The following AHRR variants were observed in gnomAD, a reference collection of about 807,000 sequenced individuals.
AHRR encodes aryl hydrocarbon receptor repressor.
In AHRR, 28 loss-of-function variants were observed where a neutral mutation model predicts 44.0. The observed-to-expected ratio is 0.64, with a 90% CI of 0.47 to 0.87. AHRR has a LOEUF of 0.87. Among genes scored for constraint, AHRR ranks in the 40% least tolerant of loss-of-function variants. AHRR has a pLI of 0.00. For missense variants in AHRR, 990 were observed against 953.9 expected, an observed-to-expected ratio of 1.04 and a Z score of -0.50; for synonymous variants, 434 against 407.0, an observed-to-expected ratio of 1.07 and a Z score of -0.80.
chr5:394,123 G>A (rs12521808), intron 4 of AHRR, among the ~76,000 whole-genome samples: 92,617 of 152,108 alleles, frequency 0.61, 30,068 homozygotes, highest in South Asian at 0.78. Flanking sequence ...CAGCCACCCT[G>A]CTGGCTCTGG....
chr5:383,634 C>T lies in AHRR; in HGVS notation c.351+6918C>T, dbSNP rs1734067664. 6.6e-6 allele frequency among the ~76,000 whole-genome samples: 1 copy of T among 151,726 alleles called. No individual in the cohort carries two copies. Among genetic ancestry groups the T allele is most frequent in the Non-Finnish European group, 1.5e-5 (1 of 67,988 alleles). On this transcript the variant is annotated intron_variant, in intron 4 of 10. Coordinates refer to ENST00000684583, the MANE Select transcript of AHRR (RefSeq NM_001377236.1). This position sits in a 1 kb window ranked among gnomAD's most constrained non-coding sequence, Gnocchi z 4.0. ...CTGAAGTGCAGCAATGTGATCATAG[C>T]TCACTGTAACCTTGAACTCCTGAGC... is the stretch of plus-strand genomic sequence containing the variant.
chr5:386,610 G>A (rs938410809), intron 4 of AHRR, among the ~76,000 whole-genome samples: 1 of 152,270 alleles, frequency 6.6e-6, no homozygotes, highest in Non-Finnish European at 1.5e-5. Flanking sequence ...TAGGCCTGCA[G>A]ATTCTGGAGC....
At chr5:432,640 CA>C in intron 9 of AHRR, 116 bp downstream of exon 9, 1 of 1,509,272 alleles carries the variant, frequency 6.6e-7, no homozygotes, top group Non-Finnish European at 9.2e-7. Flanking sequence ...AGCCATTTTG[CA>C]GAGACTTGGT....
Position 432,790 on chromosome 5 carries a change from C to T in AHRR, c.971-16C>T, listed in dbSNP as rs72717420. On this transcript the variant is annotated splice_polypyrimidine_tract_variant and intron_variant, in intron 9 of 10. Coordinates refer to ENST00000684583, the MANE Select transcript of AHRR (RefSeq NM_001377236.1). ...CTCGCACCGTGACGGCTTCCCCCCC[C>T]TCTAAACCCCAACAGGAAGGAGCAG... 2.8e-5 allele frequency: 45 copies of T among 1,613,258 alleles called. No homozygotes were observed. The highest frequency in any genetic ancestry group is 1.6e-4 in the Middle Eastern group (1 of 6,084).
Position 436,674 on chromosome 5 carries a change from C to G in AHRR, c.*1840C>G, listed in dbSNP as rs1010811452. On this transcript the variant is annotated 3_prime_UTR_variant, in exon 11 of 11. Coordinates refer to ENST00000684583, the MANE Select transcript of AHRR (RefSeq NM_001377236.1). ...GGGGGCGTCTTTCAAAAGGTGACCTCCATGCTGTGCTGTCGTGGGTGTGAG... is the reference window on the plus strand; with the variant it reads ...GGGGGCGTCTTTCAAAAGGTGACCTGCATGCTGTGCTGTCGTGGGTGTGAG... 9 of 152,634 alleles carry G rather than the reference C, an allele frequency of 5.9e-5. No individual in the cohort carries two copies. The highest frequency in any genetic ancestry group is 2.2e-4 in the African/African-American group (9 of 41,586). The allele number at this position is 152,634 out of a possible 1,614,324, so 9.5% of individuals were successfully genotyped here. A position where few individuals can be genotyped will look rare whatever the true frequency, so the allele number is the denominator to read the frequency against.
chr5:418,610 C>T (rs57433159), intron 5 of AHRR: 44,725 of 152,160 alleles, frequency 0.29, 6,952 homozygotes, highest in Non-Finnish European at 0.35. Flanking sequence ...TCAGGGAGGG[C>T]ACTTGGGGTG....
At chr5:373,943 G>A (rs1311793506) in intron 3 of AHRR, among the ~76,000 whole-genome samples, 2 of 151,392 alleles carry the variant, frequency 1.3e-5, no homozygotes, top group African/African-American at 2.4e-5. Context: ...GGAAGTGGGC[G>A]GGCGCCCGCG....
At chr5:407,961 G>A (rs768478857) in intron 4 of AHRR, among the ~76,000 whole-genome samples, 7 of 152,166 alleles carry the variant, frequency 4.6e-5, no homozygotes, top group Non-Finnish European at 1.0e-4. Context: ...ATACCGAATT[G>A]CATCAATCCA....
Position 433,891 on chromosome 5 carries a change from C to T in AHRR, c.1151C>T (p.Ala384Val). 2.6e-6 allele frequency: 4 copies of T among 1,519,330 alleles called. No individual in the cohort carries two copies. The highest frequency in any genetic ancestry group is 3.5e-6 in the Non-Finnish European group (4 of 1,135,916). The allele number at this position is 1,519,330 out of a possible 1,614,324, so 94.1% of individuals were successfully genotyped here. ...GAGCAGCACAGGATGCTGAGCAGGGCCTCTGGAGTGACAGGGCGGAGGGAG... is the reference window on the plus strand; with the variant it reads ...GAGCAGCACAGGATGCTGAGCAGGGTCTCTGGAGTGACAGGGCGGAGGGAG... ...EEEQHRMLSR[A>V]SGVTGRRETP... Residue 384 changes from alanine to valine, a missense_variant, in exon 11 of 11, where the codon GCC becomes GTC. Physicochemically the swap from Ala to Val is moderately conservative, Grantham distance 64 (BLOSUM62 0). Transcript: ENST00000684583.
chr5:343,599 C>G, intron 1 of AHRR: 1 of 419,580 alleles, frequency 2.4e-6, no homozygotes, highest in East Asian at 4.7e-5. Flanking sequence ...CGGTCTCCCG[C>G]CACGGCGCCC....
rs570838096 is a variant in AHRR at position 375,506 on chromosome 5, C to T, written c.245-1104C>T. Among the ~76,000 whole-genome samples, 9 of 152,306 alleles carry T rather than the reference C, an allele frequency of 5.9e-5. No homozygotes were observed. The East Asian group carries it at 9.7e-4, about 16-fold the overall frequency. On this transcript the variant is annotated intron_variant, in intron 3 of 10. Transcript: ENST00000684583. ...CCTGGGCTGTGCCACGCCGGGACCCCGGCACAGGCTGCCCACCGTGAAGGA... is the reference window on the plus strand; with the variant it reads ...CCTGGGCTGTGCCACGCCGGGACCCTGGCACAGGCTGCCCACCGTGAAGGA...
At chr5:403,695 TACTTTCTCTCAGAGGCA>T in intron 4 of AHRR, 2 of 793,492 alleles carry the variant, frequency 2.5e-6, no homozygotes. Flanking sequence ...TTTTTTTTTT[TACTTTCTCTCAGAGGCA>T]TATTTTTCCG....
intron 4 of AHRR, among the ~76,000 whole-genome samples, chr5:398,623 G>T (rs1181688984): frequency 1.3e-5 from 2 of 152,240 alleles, no homozygotes; most frequent in Admixed American, 1.3e-4. Context: ...CCTGGTGGAA[G>T]GAGTGTGTTT....
At chr5:362,157 C>T (rs923698252) in intron 3 of AHRR, among the ~76,000 whole-genome samples, 1 of 152,122 alleles carries the variant, frequency 6.6e-6, no homozygotes, top group African/African-American at 2.4e-5. Context: ...GGAGAGACAT[C>T]GGAGGGCTCA....
At chr5:426,669 G>A (rs1287902417) in intron 7 of AHRR, among the ~76,000 whole-genome samples, 1 of 151,270 alleles carries the variant, frequency 6.6e-6, no homozygotes, top group Non-Finnish European at 1.5e-5. Context: ...ATGGGTGGAT[G>A]GGTGGACGGA....
intron 4 of AHRR, among the ~76,000 whole-genome samples, chr5:397,451 T>C (rs1254386917): frequency 1.3e-4 from 10 of 76,060 alleles, no homozygotes; most frequent in South Asian, 7.4e-4. Context: ...TGACCATCCA[T>C]GTTAGCCCCT....
chr5:405,309 A>G lies in AHRR; in HGVS notation c.352-8035A>G, dbSNP rs1735209274. Among the ~76,000 whole-genome samples, 1 of 152,150 alleles carries G rather than the reference A, an allele frequency of 6.6e-6. No individual in the cohort carries two copies. The highest frequency in any genetic ancestry group is 6.5e-5 in the Admixed American group (1 of 15,282). ...GGTAGCTCCTCAGATGCTCCCGTGG[A>G]TGCAGATGTCCTGCGGGGTCCGTTT... On this transcript the variant is annotated intron_variant, in intron 4 of 10. Coordinates refer to ENST00000684583, the MANE Select transcript of AHRR (RefSeq NM_001377236.1). This position sits in a 1 kb window ranked among gnomAD's most constrained non-coding sequence, Gnocchi z 4.5.
At chr5:397,870 GT>G (rs1734809772) in intron 4 of AHRR, among the ~76,000 whole-genome samples, 1 of 52,538 alleles carries the variant, frequency 1.9e-5, no homozygotes, top group African/African-American at 1.5e-4. Context: ...GACCATCCCT[GT>G]TAGCCCCTGA....
intron 1 of AHRR, among the ~76,000 whole-genome samples, chr5:323,914 G>T (rs1741598805): frequency 6.6e-6 from 1 of 152,094 alleles, no homozygotes; most frequent in Non-Finnish European, 1.5e-5. Context: ...AGGGGCTGAT[G>T]ACTCGGGTAG....
Sources: gnomAD v4.1 joint callset for allele counts (sites outside exome capture counted in the v4.1 genomes callset) on GRCh38, gnomAD v4.1.1 for gene constraint, Gnocchi (gnomAD v3.1) non-coding constraint, MANE v1.5 for transcripts, NCBI Gene and HGNC (gene_info 2026-07-23, HGNC 2026-07-21) for gene names.